NOS1: variants seen among roughly 807,000 people sequenced by gnomAD.
NOS1 encodes NOS type I.
Under a neutral mutation model 164.5 loss-of-function variants are expected in NOS1, and 51 were observed. The observed-to-expected ratio is 0.31, with a 90% confidence interval of 0.25 to 0.39. NOS1 has a LOEUF of 0.39. NOS1 is among the 10% of genes least tolerant of loss of function. NOS1 has a pLI of 1.00. For missense variants in NOS1, 1,362 were observed against 1,885.6 expected (o/e 0.72, Z 5.14); for synonymous variants, 719 against 745.8 (o/e 0.96, Z 0.59).
At chr12:117,271,892 C>A (rs1034099997) in intron 10 of NOS1, among the ~76,000 whole-genome samples, 4 of 152,224 alleles carry the variant, frequency 2.6e-5, no homozygotes, top group African/African-American at 9.6e-5. Flanking sequence ...CCACTGCCAA[C>A]CCTCCTCCCT....
chr12:117,331,351 G>C lies in NOS1; in HGVS notation c.-282C>G, dbSNP rs1048454968. 4.5e-6 allele frequency: 2 copies of C among 442,090 alleles called. No homozygotes were observed. Among genetic ancestry groups the C allele is most frequent in the Admixed American group, 7.1e-5 (2 of 28,236 alleles). The allele number at this position is 442,090 out of a possible 1,614,324, so 27.4% of individuals were successfully genotyped here. A position where few individuals can be genotyped will look rare whatever the true frequency, so the allele number is the denominator to read the frequency against. ...GACGTCAAGAGAGGCGGTGGGACGT[G>C]TCCCTAAGGTCAGGCAGAAAGGGGA... On this transcript the variant is annotated 5_prime_UTR_variant, in exon 2 of 29. Transcript: ENST00000317775.
In NOS1 at chr12:117,286,510, G is replaced by A. The variant is rs9658352; in HGVS notation, c.1128-244C>T. Among the ~76,000 whole-genome samples, 659 of 152,234 alleles carry A rather than the reference G, an allele frequency of 4.3e-3. 6 individuals are homozygous for A. Among genetic ancestry groups the A allele is most frequent in the Middle Eastern group, 0.014 (4 of 294 alleles). On this transcript the variant is annotated intron_variant, in intron 5 of 28. Transcript: ENST00000317775. ...GGGACTGTGGCAAACAAGTGAGCCA[G>A]GCCTTGTCCAAAGCGGGCAGCCACG...
At chr12:117,228,627 C>G (rs953826240) in intron 22 of NOS1, among the ~76,000 whole-genome samples, 2 of 152,060 alleles carry the variant, frequency 1.3e-5, no homozygotes, top group African/African-American at 4.8e-5. Flanking sequence ...AGTTATTTTT[C>G]CTTAATCTCA....
intron 17 of NOS1, 55 bp downstream of exon 17, chr12:117,253,583 C>G: frequency 1.6e-6 from 2 of 1,226,628 alleles, no homozygotes; most frequent in Non-Finnish European, 1.2e-6. Context: ...GTAGGTCAAG[C>G]TCCCCAGGAG....
rs9658345 is a variant in NOS1, at chr12:117,288,054, C to T, written c.1127+20G>A. On this transcript the variant is annotated intron_variant, in intron 5 of 28. Transcript: ENST00000317775. Reference sequence around the variant, plus strand: ...ATTCGATAACTTACCTCGGGCTCCCCGGAATTGACACACACTTGCCTTTTA... The same window carrying T: ...ATTCGATAACTTACCTCGGGCTCCCTGGAATTGACACACACTTGCCTTTTA... 843 of 1,612,758 alleles carry T rather than the reference C, an allele frequency of 5.2e-4. 4 individuals are homozygous for T. The African/African-American group carries it at 0.01, about 19-fold the overall frequency.
At chr12:117,223,007 G>C in intron 25 of NOS1, 144 bp from the exon 26 acceptor site, 1 of 874,178 alleles carries the variant, frequency 1.1e-6, no homozygotes, top group Non-Finnish European at 1.8e-6. Context: ...AGATGTATGC[G>C]TGCACACACA....
chr12:117,239,496 T>G (rs1869991455), intron 20 of NOS1, among the ~76,000 whole-genome samples: 1 of 152,208 alleles, frequency 6.6e-6, no homozygotes, highest in East Asian at 1.9e-4. Context: ...GCTGTGATGG[T>G]GACTGCGGTC....
At chr12:117,221,200 T>G (rs1307812445) in intron 26 of NOS1, among the ~76,000 whole-genome samples, 1 of 151,966 alleles carries the variant, frequency 6.6e-6, no homozygotes, top group African/African-American at 2.4e-5. Flanking sequence ...TTGCCCAGGC[T>G]GGAGTGCAGT....
At chr12:117,324,943 T>A (rs557526440) in intron 2 of NOS1, among the ~76,000 whole-genome samples, 7 of 152,098 alleles carry the variant, frequency 4.6e-5, no homozygotes, top group African/African-American at 1.4e-4. Context: ...CATGGGGGAA[T>A]GGAAGAGATG....
Position 117,210,170 on chromosome 12 carries a change from G to A in NOS1, c.*5139C>T, listed in dbSNP as rs111962507. On this transcript the variant is annotated 3_prime_UTR_variant, in exon 29 of 29. Transcript: ENST00000317775. ...TTTTTTTTTTTTTTTTAGTAGAGAC[G>A]AGATTGCGCTGTGTTGCCCAAGCTG... The A allele has an allele frequency of 4.3e-3, 1,762 of 412,692 alleles. 37 individuals are homozygous for A. The highest frequency in any genetic ancestry group is 0.037 in the African/African-American group (1,675 of 45,104). 25.6% of individuals were successfully genotyped at this position (412,692 alleles called of 1,614,324 possible). A position where few individuals can be genotyped will look rare whatever the true frequency, so the allele number is the denominator to read the frequency against.
chr12:117,361,131 C>T (rs1219583607), intron 1 of NOS1, among the ~76,000 whole-genome samples: 1 of 152,096 alleles, frequency 6.6e-6, no homozygotes, highest in Non-Finnish European at 1.5e-5. Context: ...ACTCACCTGA[C>T]GCCGAGCCGG....
chr12:117,338,477 G>C (rs539428242), intron 1 of NOS1, among the ~76,000 whole-genome samples: 1 of 119,682 alleles, frequency 8.4e-6, no homozygotes, highest in Non-Finnish European at 1.7e-5. Context: ...TTGTGGGGTG[G>C]GGGGAGGGAT....
chr12:117,212,490 C>T lies in NOS1; in HGVS notation c.*2819G>A, dbSNP rs9658575. On this transcript the variant is annotated 3_prime_UTR_variant, in exon 29 of 29. Transcript: ENST00000317775. ...TTAACATCATCTCTCTGCTCTTTCA[C>T]GACACAAGCTGTGGGAACTGGATGC... 9.9e-4 allele frequency: 975 copies of T among 985,396 alleles called. No individual in the cohort carries two copies. Among genetic ancestry groups the T allele is most frequent in the Middle Eastern group, 3.7e-3 (7 of 1,914 alleles). The allele number at this position is 985,396 out of a possible 1,614,324, so 61.0% of individuals were successfully genotyped here. A position where few individuals can be genotyped will look rare whatever the true frequency, so the allele number is the denominator to read the frequency against.
intron 22 of NOS1, among the ~76,000 whole-genome samples, chr12:117,228,728 C>T (rs1248620557): frequency 1.3e-5 from 2 of 152,180 alleles, no homozygotes; most frequent in South Asian, 4.2e-4. Flanking sequence ...AAGATTTTCA[C>T]CATGTTCCTA....
intron 27 of NOS1, among the ~76,000 whole-genome samples, chr12:117,219,323 T>C (rs1956663227): frequency 6.6e-6 from 1 of 151,346 alleles, no homozygotes; most frequent in Non-Finnish European, 1.5e-5. Flanking sequence ...TTTTTGTTTT[T>C]GAGATGGAGC....
chr12:117,271,179 T>C (rs933426426), intron 10 of NOS1, among the ~76,000 whole-genome samples: 11 of 152,040 alleles, frequency 7.2e-5, no homozygotes, highest in Admixed American at 4.6e-4. Flanking sequence ...AGAACCCCGA[T>C]GAATGGGATC....
chr12:117,208,182 G>A lies in NOS1; in HGVS notation c.*7127C>T. ...AATATTGTAACCATAATGCAAACAA[G>A]CATAATAGGCTTTTGTTGAATCCCA... is the stretch of plus-strand genomic sequence containing the variant. On this transcript the variant is annotated 3_prime_UTR_variant, in exon 29 of 29. Transcript: ENST00000317775. The A allele has an allele frequency of 1.1e-6, 1 of 930,058 alleles. No homozygotes were observed. The highest frequency in any genetic ancestry group is 1.6e-5 in the South Asian group (1 of 61,810). 57.6% of individuals were successfully genotyped at this position (930,058 alleles called of 1,614,324 possible).
chr12:117,260,249 A>G (rs561871163), intron 14 of NOS1, among the ~76,000 whole-genome samples: 18 of 152,250 alleles, frequency 1.2e-4, no homozygotes, highest in Admixed American at 9.2e-4. Context: ...ATTTTGCTCT[A>G]AAGAGGGGAA....
chr12:117,310,820 A>G (rs1056186073), intron 3 of NOS1, among the ~76,000 whole-genome samples: 3 of 151,834 alleles, frequency 2.0e-5, no homozygotes, highest in African/African-American at 7.3e-5. Context: ...TAATTAAAAA[A>G]AAATTTTTTT....
Sources: allele counts gnomAD v4.1 joint callset (sites outside exome capture counted in the v4.1 genomes callset), GRCh38; gene constraint gnomAD v4.1.1; transcripts MANE v1.5; gene names NCBI Gene and HGNC (gene_info 2026-07-23, HGNC 2026-07-21).